AKNA: variants seen among roughly 807,000 people sequenced by gnomAD.
AKNA encodes the protein microtubule organization protein AKNA.
In AKNA, 67 loss-of-function variants were observed where a neutral mutation model predicts 138.8. The ratio of observed to expected loss-of-function variants is 0.48; its 90% CI spans 0.40 to 0.59. AKNA has a LOEUF of 0.59. AKNA is among the 20% of genes least tolerant of loss of function. The pLI is 0.00. For synonymous variants in AKNA, 737 were observed against 754.4 expected, an observed-to-expected ratio of 0.98 and a Z score of 0.38; for missense variants, 1,813 against 1,880.4, an observed-to-expected ratio of 0.96 and a Z score of 0.66.
At chr9:114,381,576 G>A (rs763217420) in intron 1 of AKNA, 130 bp from the exon 2 acceptor site, 7 of 919,676 alleles carry the variant, frequency 7.6e-6, no homozygotes, top group Non-Finnish European at 8.5e-6. Context: ...TCCCGAAGCT[G>A]TGTCACCTTG....
At chr9:114,373,005 C>T (rs894132784) in intron 4 of AKNA, among the ~76,000 whole-genome samples, 4 of 143,736 alleles carry the variant, frequency 2.8e-5, no homozygotes, top group Non-Finnish European at 6.0e-5. Context: ...GGCCCCCTTC[C>T]ATTTCCTCAC....
intron 9 of AKNA, 127 bp from the exon 10 acceptor site, chr9:114,360,189 A>T (rs1353044847): frequency 8.9e-7 from 1 of 1,126,066 alleles, no homozygotes; most frequent in Admixed American, 2.0e-5. Flanking sequence ...CACTAAGCCC[A>T]CCACCCTTTT....
At chr9:114,350,762 A>T (rs771269637) in intron 15 of AKNA, 97 bp downstream of exon 15, 1 of 1,369,788 alleles carries the variant, frequency 7.3e-7, no homozygotes, top group Non-Finnish European at 9.8e-7. Flanking sequence ...CATCTGTGTG[A>T]GCTGGGCAGG....
In AKNA at chr9:114,342,098, C is replaced by A; in HGVS notation, c.3785G>T (p.Gly1262Val). The change falls in exon 20 of 22, where the codon GGA becomes GTA. Residue 1262 changes from glycine (G) to valine (V), a missense_variant. Coordinates refer to ENST00000374088, the MANE Select transcript of AKNA (RefSeq NM_001317950.2). Reference protein sequence around the residue: ...AGGAVTGDPLGPPPADTLQCP... With the variant: ...AGGAVTGDPLVPPPADTLQCP... ...CTGAAGGGTATCAGCGGGAGGCGGT[C>A]CCAGTGGGTCCCCTGTGACAGCACC... is the stretch of plus-strand genomic sequence containing the variant. 2 of 1,606,366 alleles carry A rather than the reference C, an allele frequency of 1.2e-6. No individual in the cohort carries two copies. Among genetic ancestry groups the A allele is most frequent in the South Asian group, 2.2e-5 (2 of 90,222 alleles).
chr9:114,388,249 T>C (rs1300364368), upstream of AKNA, among the ~76,000 whole-genome samples: 1 of 152,184 alleles, frequency 6.6e-6, no homozygotes, highest in Non-Finnish European at 1.5e-5. Flanking sequence ...GCCCAGGCCC[T>C]GCAGGTACAG....
At chr9:114,357,759 G>A (rs1831606545) in intron 12 of AKNA, among the ~76,000 whole-genome samples, 162 bp downstream of exon 12, 1 of 152,200 alleles carries the variant, frequency 6.6e-6, no homozygotes, top group Non-Finnish European at 1.5e-5. Flanking sequence ...GGGTGACACT[G>A]AGCATAAGTC....
chr9:114,342,157 A>G, intron 19 of AKNA, 32 bp from the exon 20 acceptor site: 1 of 1,469,362 alleles, frequency 6.8e-7, no homozygotes, highest in Non-Finnish European at 9.2e-7. Flanking sequence ...TCAGGGGAGG[A>G]TTACATCTAA....
chr9:114,338,201 T>C (rs1440781961), intron 21 of AKNA, among the ~76,000 whole-genome samples: 1 of 152,238 alleles, frequency 6.6e-6, no homozygotes, highest in East Asian at 1.9e-4. Context: ...GCCCCTGCTG[T>C]CTAACTTGCA....
upstream of AKNA, among the ~76,000 whole-genome samples, chr9:114,391,541 A>G (rs774325183): frequency 6.6e-6 from 1 of 152,186 alleles, no homozygotes; most frequent in Non-Finnish European, 1.5e-5. Flanking sequence ...CCAGAAAAGA[A>G]ACAACAACAA....
intron 4 of AKNA, among the ~76,000 whole-genome samples, chr9:114,372,130 C>A (rs1006250231): frequency 6.6e-6 from 1 of 152,172 alleles, no homozygotes; most frequent in African/African-American, 2.4e-5. Context: ...TGCTTCCTTC[C>A]GGTAGAGCCC....
At chr9:114,346,093 C>A in intron 17 of AKNA, 84 bp from the exon 18 acceptor site, 2 of 1,398,974 alleles carry the variant, frequency 1.4e-6, no homozygotes, top group East Asian at 4.7e-5. Flanking sequence ...TGAGTTTAGG[C>A]TCTGGGGTGG....
intron 20 of AKNA, 44 bp from the exon 21 acceptor site, chr9:114,341,769 T>A: frequency 6.6e-7 from 1 of 1,526,434 alleles, no homozygotes; most frequent in Non-Finnish European, 8.8e-7. Context: ...TCTGACCACT[T>A]GGCAGATCCA....
chr9:114,377,032 G>A lies in AKNA; in HGVS notation c.775C>T (p.Pro259Ser). The change falls in exon 3 of 22, where the codon CCC (proline) becomes TCC (serine). Residue 259 changes from proline to serine, a missense_variant. By Grantham distance (74) the Pro-to-Ser change is moderately conservative. Transcript: ENST00000374088. ...GCTGAGGAGTCCTGGAATTCCATGG[G>A]GGTTGCCCGAGCAACACTGCCTCCA... is the stretch of plus-strand genomic sequence containing the variant. ...RTGGSVARAT[P>S]MEFQDSSAPP... The A allele has an allele frequency of 1.2e-6, 2 of 1,614,086 alleles. No homozygotes were observed. Among genetic ancestry groups the A allele is most frequent in the Non-Finnish European group, 1.7e-6 (2 of 1,179,988 alleles).
intron 4 of AKNA, among the ~76,000 whole-genome samples, chr9:114,373,703 A>AC (rs1243683202): frequency 1.4e-5 from 2 of 147,872 alleles, no homozygotes; most frequent in Non-Finnish European, 3.0e-5. Context: ...ACAAAGTAAG[A>AC]CCCCGTCTCT....
At chr9:114,373,507 C>A (rs1832947679) in intron 4 of AKNA, among the ~76,000 whole-genome samples, 1 of 152,192 alleles carries the variant, frequency 6.6e-6, no homozygotes, top group African/African-American at 2.4e-5. Flanking sequence ...TAAGGTCACA[C>A]AGCTGGTTAG....
Position 114,377,495 on chromosome 9 carries a change from G to A in AKNA, c.312C>T (p.Ser104=). 1 of 1,611,250 alleles carries A rather than the reference G, an allele frequency of 6.2e-7. No individual in the cohort carries two copies. Among genetic ancestry groups the A allele is most frequent in the Non-Finnish European group, 8.5e-7 (1 of 1,178,634 alleles). ...GGGGGAGCCAGGCAAGAGGCTCATG[G>A]GAACTTGCTGGGCTGTCCACATCCT... The part of the protein sequence containing the change: ...EAEDVDSPAS[S]HEPLAWLPQQ... Residue 104 remains serine (S), a synonymous_variant, in exon 3 of 22, where the codon TCC becomes TCT. Transcript: ENST00000374088.
chr9:114,350,936 G>C lies in AKNA; in HGVS notation c.3144C>G (p.Pro1048=). 2 of 1,611,934 alleles carry C rather than the reference G, an allele frequency of 1.2e-6. No individual in the cohort carries two copies. The highest frequency in any genetic ancestry group is 1.1e-5 in the South Asian group (1 of 90,890). ...AGGGTAGAGGCGCAGCGGCAGGGGC[G>C]GGGGCTGGGGGTGGGCTGATTGTCT... ...PNKTISPPPA[P]APAAAPLPCG... is the part of the protein sequence containing the mutation. The change falls in exon 15 of 22, where the codon CCC becomes CCG. Residue 1048 remains proline (P), a synonymous_variant. Coordinates refer to ENST00000374088, the MANE Select transcript of AKNA (RefSeq NM_001317950.2).
chr9:114,392,131 G>A (rs921219197), upstream of AKNA, among the ~76,000 whole-genome samples: 1 of 145,468 alleles, frequency 6.9e-6, no homozygotes, highest in African/African-American at 2.5e-5. Flanking sequence ...AAATCCACAG[G>A]GAGTCTGAGG....
At chr9:114,357,054 C>T (rs1306823870) in intron 12 of AKNA, 85 bp from the exon 13 acceptor site, 8 of 1,239,662 alleles carry the variant, frequency 6.5e-6, no homozygotes, top group South Asian at 5.8e-5. Flanking sequence ...CCTGGCCTCA[C>T]CTCCCAGAGG....
Sources: gnomAD v4.1 joint callset for allele counts (sites outside exome capture counted in the v4.1 genomes callset) on GRCh38, gnomAD v4.1.1 for gene constraint, MANE v1.5 for transcripts, NCBI Gene and HGNC (gene_info 2026-07-23, HGNC 2026-07-21) for gene names.